ASIC2: variants seen among roughly 807,000 people sequenced by gnomAD.
ASIC2 encodes acid sensing ion channel subunit 2.
ASIC2 carries 25 observed loss-of-function variants against 57.3 expected under a neutral mutation model. The ratio of observed to expected loss-of-function variants is 0.44; its 90% CI spans 0.32 to 0.61. ASIC2 has a LOEUF of 0.61. ASIC2 is among the 20% of genes least tolerant of loss of function. The pLI is 0.06. For synonymous variants in ASIC2, 319 were observed against 307.5 expected (o/e 1.04, Z -0.39); for missense variants, 641 against 738.1 (o/e 0.87, Z 1.52).
intron 1 of ASIC2, chr17:34,069,569 G>T (rs915857166): frequency 2.6e-5 from 4 of 152,234 alleles, no homozygotes; most frequent in African/African-American, 9.7e-5. Context: ...GAGCTACTGA[G>T]CTTGCCCTTT....
chr17:33,846,300 G>T, intron 1 of ASIC2, among the ~76,000 whole-genome samples: 1 of 152,142 alleles, frequency 6.6e-6, no homozygotes, highest in East Asian at 1.9e-4. Context: ...CAAGGGTCCA[G>T]TGCTTGATCT....
chr17:33,328,480 C>T (rs938423570), intron 1 of ASIC2, among the ~76,000 whole-genome samples: 1 of 152,174 alleles, frequency 6.6e-6, no homozygotes, highest in East Asian at 1.9e-4. Flanking sequence ...TCTCCTCTTC[C>T]CTCTTCTAAT....
At chr17:33,122,864 CA>C (rs2092308406) in intron 1 of ASIC2, among the ~76,000 whole-genome samples, 1 of 152,152 alleles carries the variant, frequency 6.6e-6, no homozygotes, top group East Asian at 1.9e-4. Context: ...ACCAGCAGTA[CA>C]AATGACCAAC....
intron 1 of ASIC2, among the ~76,000 whole-genome samples, chr17:33,319,557 A>G: frequency 6.6e-6 from 1 of 152,328 alleles, no homozygotes; most frequent in South Asian, 2.1e-4. Flanking sequence ...GTTACATGAG[A>G]TATTTTGATA....
At chr17:33,578,868 A>T (rs1916742655) in intron 1 of ASIC2, among the ~76,000 whole-genome samples, 1 of 152,192 alleles carries the variant, frequency 6.6e-6, no homozygotes, top group South Asian at 2.1e-4. Flanking sequence ...CTGTGACCTG[A>T]AACAGTGACC....
chr17:33,328,923 A>G (rs1907190508), intron 1 of ASIC2, among the ~76,000 whole-genome samples: 1 of 152,218 alleles, frequency 6.6e-6, no homozygotes, highest in African/African-American at 2.4e-5. Context: ...GAATGTTTTC[A>G]AACACCTTTC....
chr17:33,247,497 C>T (rs1283780200), intron 1 of ASIC2, among the ~76,000 whole-genome samples: 2 of 152,082 alleles, frequency 1.3e-5, no homozygotes, highest in African/African-American at 4.8e-5. Context: ...AAAAGAAAAC[C>T]ACCTAAAATC....
At chr17:33,411,330 T>TA (rs1352003914) in intron 1 of ASIC2, among the ~76,000 whole-genome samples, 1 of 151,906 alleles carries the variant, frequency 6.6e-6, no homozygotes, top group Non-Finnish European at 1.5e-5. Flanking sequence ...TTGAGATGGT[T>TA]AAAAAAAAGA....
chr17:33,927,197 G>A (rs1278134522), intron 1 of ASIC2, among the ~76,000 whole-genome samples: 1 of 152,146 alleles, frequency 6.6e-6, no homozygotes, highest in Non-Finnish European at 1.5e-5. Flanking sequence ...CCAAACTGCT[G>A]TGATTACAGG....
chr17:33,948,142 G>C (rs1904442951), intron 1 of ASIC2, among the ~76,000 whole-genome samples: 1 of 152,142 alleles, frequency 6.6e-6, no homozygotes, highest in Non-Finnish European at 1.5e-5. Flanking sequence ...GACTCTGATG[G>C]GGCAGAAGGG....
At chr17:33,865,769 A>C (rs1263958911) in intron 1 of ASIC2, among the ~76,000 whole-genome samples, 20 of 79,428 alleles carry the variant, frequency 2.5e-4, no homozygotes, top group Non-Finnish European at 3.8e-4. Context: ...TAAAAAAAAA[A>C]AACAAAAAAA....
In ASIC2 at chr17:33,042,201, C is replaced by A. The variant is rs568535826; in HGVS notation, c.988-13809G>T. On this transcript the variant is annotated intron_variant, in intron 3 of 9. Coordinates refer to ENST00000225823, the MANE Select transcript of ASIC2 (RefSeq NM_183377.2). ...CAGGTAACAGAGGCATCAAAGGGGT[C>A]TCAGGGGAGACATGTCCTTGTAGGC... 4.1e-4 allele frequency among the ~76,000 whole-genome samples: 63 copies of A among 152,304 alleles called. 3 individuals are homozygous for A. In the South Asian group the frequency reaches 0.013, roughly 31 times the overall value.
intron 1 of ASIC2, among the ~76,000 whole-genome samples, chr17:33,697,300 A>G (rs1908558734): frequency 6.6e-6 from 1 of 152,204 alleles, no homozygotes; most frequent in South Asian, 2.1e-4. Flanking sequence ...TAATACATGG[A>G]TCATCATAAA....
intron 1 of ASIC2, among the ~76,000 whole-genome samples, chr17:33,638,840 C>A (rs967199204): frequency 5.3e-5 from 8 of 152,158 alleles, no homozygotes; most frequent in African/African-American, 1.9e-4. Flanking sequence ...GGGCTGCCCT[C>A]AACCAAGGAT....
At chr17:33,298,173 T>C (rs1171073105), upstream of ASIC2, among the ~76,000 whole-genome samples, 1 of 152,068 alleles carries the variant, frequency 6.6e-6, no homozygotes, top group Non-Finnish European at 1.5e-5. Flanking sequence ...TGTGCAGTTT[T>C]GTTACATACG....
chr17:33,858,466 G>T (rs1914020176), intron 1 of ASIC2, among the ~76,000 whole-genome samples: 1 of 152,210 alleles, frequency 6.6e-6, no homozygotes, highest in South Asian at 2.1e-4. Flanking sequence ...CTACAGAAAT[G>T]AATTTTGTTT....
intron 1 of ASIC2, among the ~76,000 whole-genome samples, chr17:33,364,674 C>T (rs533999982): frequency 6.6e-6 from 1 of 152,186 alleles, no homozygotes; most frequent in Admixed American, 6.5e-5. Context: ...TGAGGCCTCC[C>T]CAGCCATGCT....
intron 1 of ASIC2, among the ~76,000 whole-genome samples, chr17:33,283,340 C>T (rs890122686): frequency 5.3e-5 from 8 of 152,156 alleles, no homozygotes; most frequent in African/African-American, 1.4e-4. Context: ...GTTTGTGGAC[C>T]AGCAGCATCT....
rs535239780 is a variant in ASIC2 at position 34,075,869 on chromosome 17, C to T, written c.555+80109G>A. 2.1e-5 allele frequency among the ~76,000 whole-genome samples: 3 copies of T among 142,492 alleles called. No homozygotes were observed. In the South Asian group the frequency reaches 6.8e-4, roughly 32 times the overall value. 93.5% of individuals were successfully genotyped at this position (142,492 alleles called of 152,430 possible). A position where few individuals can be genotyped will look rare whatever the true frequency, so the allele number is the denominator to read the frequency against. Reference sequence around the variant, plus strand: ...TTTTTGAGACAGAGTCTTGCTGTCGCTCCGGCTGGAGTGCAATGGCGCCAT... The same window carrying T: ...TTTTTGAGACAGAGTCTTGCTGTCGTTCCGGCTGGAGTGCAATGGCGCCAT... On this transcript the variant is annotated intron_variant, in intron 1 of 9. Coordinates refer to the ASIC2 transcript ENST00000359872.
Sources: allele counts gnomAD v4.1 joint callset (sites outside exome capture counted in the v4.1 genomes callset), GRCh38; gene constraint gnomAD v4.1.1; transcripts MANE v1.5; gene names NCBI Gene and HGNC (gene_info 2026-07-23, HGNC 2026-07-21).